Variants in ABTB2 observed in about 807,000 individuals in gnomAD.
ABTB2 encodes ankyrin repeat and BTB domain containing 2.
In ABTB2, 56 loss-of-function variants were observed where a neutral mutation model predicts 104.1. That is an observed-to-expected ratio of 0.54 (90% CI 0.43 to 0.67). The LOEUF is 0.67. ABTB2 is among the 30% of genes least tolerant of loss of function. The pLI is 0.00. For synonymous variants in ABTB2, 606 were observed against 608.2 expected (o/e 1.00, Z 0.05); for missense variants, 1,279 against 1,407.7 (o/e 0.91, Z 1.46).
intron 3 of ABTB2, 54 bp downstream of exon 3, chr11:34,197,271 A>C: frequency 4.4e-6 from 7 of 1,579,366 alleles, no homozygotes; most frequent in Non-Finnish European, 5.2e-6. Flanking sequence ...CAGTCGGTCA[A>C]TGCACGTTTG....
chr11:34,323,746 C>A (rs768104303), intron 1 of ABTB2, among the ~76,000 whole-genome samples: 1 of 152,154 alleles, frequency 6.6e-6, no homozygotes, highest in Non-Finnish European at 1.5e-5. Context: ...GTATAGCTTG[C>A]ACAATCTTTC....
At chr11:34,268,457 A>C (rs1052821383) in intron 1 of ABTB2, among the ~76,000 whole-genome samples, 10 of 152,210 alleles carry the variant, frequency 6.6e-5, no homozygotes, top group Admixed American at 6.5e-4. Flanking sequence ...GTGGAATCAG[A>C]GGGCCTGGGT....
At chr11:34,270,338 TC>T (rs2133079996) in intron 1 of ABTB2, among the ~76,000 whole-genome samples, 1 of 149,332 alleles carries the variant, frequency 6.7e-6, no homozygotes, top group East Asian at 1.9e-4. Flanking sequence ...TAGACGGTTT[TC>T]CTTTTTTTTT....
chr11:34,156,074 C>T (rs1852621675), intron 14 of ABTB2, among the ~76,000 whole-genome samples: 2 of 152,052 alleles, frequency 1.3e-5, no homozygotes, highest in Admixed American at 1.3e-4. Flanking sequence ...GCCCCTAGGG[C>T]CAGGCCTACC....
chr11:34,254,240 A>G (rs1006181407), intron 1 of ABTB2, among the ~76,000 whole-genome samples: 1 of 152,010 alleles, frequency 6.6e-6, no homozygotes, highest in African/African-American at 2.4e-5. Flanking sequence ...ACCGAGAAAT[A>G]AAGGGAAGCT....
At position 34,160,242 on chromosome 11, in the gene ABTB2, C is replaced by T; in HGVS notation, c.2503+6G>A. 1.2e-6 allele frequency: 2 copies of T among 1,611,152 alleles called. No individual in the cohort carries two copies. The highest frequency in any genetic ancestry group is 1.1e-5 in the South Asian group (1 of 91,008). On this transcript the variant is annotated splice_donor_region_variant and intron_variant, in intron 12 of 16. Transcript: ENST00000435224. ...GTGATGCAGGGCGCAGGGGGCGCGC[C>T]TTCACCTAGCCTGGCCGGCAGGGTC...
Position 34,357,750 on chromosome 11 carries a change from G to A in ABTB2, c.-167C>T, listed in dbSNP as rs988168763. The stretch of plus-strand genomic sequence containing the variant: ...GCCTGCCCGGAGGCCGCGGGAAGGT[G>A]GCCGAGATCCGTGGCCAGCAGGAGC... On this transcript the variant is annotated 5_prime_UTR_variant, in exon 1 of 17. Transcript: ENST00000435224. 3.5e-5 allele frequency: 26 copies of A among 751,514 alleles called. No individual in the cohort carries two copies. The highest frequency in any genetic ancestry group is 2.7e-4 in the South Asian group (11 of 41,092). The allele number at this position is 751,514 out of a possible 1,614,324, so 46.6% of individuals were successfully genotyped here.
intron 1 of ABTB2, among the ~76,000 whole-genome samples, chr11:34,229,239 T>C (rs1020808113): frequency 6.6e-6 from 1 of 151,892 alleles, no homozygotes; most frequent in Non-Finnish European, 1.5e-5. Flanking sequence ...TCGCAGCACT[T>C]TGGGAGGCCG....
rs1365452005 is a variant in ABTB2 at position 34,197,624 on chromosome 11, G to GT, written c.1031-87dup. ...TCACAGCCTGCATTCTTCCAAGGAT[G>GT]TTCCTGGCTGAAGCTCCCTTGCCTT... On this transcript the variant is annotated intron_variant, in intron 2 of 16. Coordinates refer to ENST00000435224, the MANE Select transcript of ABTB2 (RefSeq NM_145804.3). 4 of 998,828 alleles carry GT rather than the reference G, an allele frequency of 4.0e-6. No homozygotes were observed. The African/African-American group carries it at 6.5e-5, about 16-fold the overall frequency. 61.9% of individuals were successfully genotyped at this position (998,828 alleles called of 1,614,324 possible).
At chr11:34,346,782 C>T (rs1314379155) in intron 1 of ABTB2, among the ~76,000 whole-genome samples, 1 of 152,202 alleles carries the variant, frequency 6.6e-6, no homozygotes, top group South Asian at 2.1e-4. Context: ...GCAAGCTCCA[C>T]CCCAGAATTT....
intron 1 of ABTB2, among the ~76,000 whole-genome samples, chr11:34,245,642 T>A (rs1272060371): frequency 6.6e-6 from 1 of 152,206 alleles, no homozygotes; most frequent in Non-Finnish European, 1.5e-5. Context: ...CAGGAGCTGG[T>A]GTCTGGGTGG....
chr11:34,248,088 A>ATTTTTTTTTTTTTTTTTTTTTTTTTTTT (rs377220875), intron 1 of ABTB2, among the ~76,000 whole-genome samples: 1 of 78,374 alleles, frequency 1.3e-5, no homozygotes, highest in East Asian at 2.9e-4. Flanking sequence ...CTTATCTATA[A>ATTTTTTTTTTTTTTTTTTTTTTTTTTTT]TTTTTCTTAA....
intron 1 of ABTB2, among the ~76,000 whole-genome samples, chr11:34,312,328 A>T (rs79195443): frequency 1.3e-5 from 2 of 152,118 alleles, no homozygotes; most frequent in African/African-American, 4.8e-5. Flanking sequence ...GGTCTCTACG[A>T]GGCAAGTGAT....
intron 1 of ABTB2, among the ~76,000 whole-genome samples, chr11:34,281,238 T>G (rs1854445806): frequency 6.6e-6 from 1 of 152,204 alleles, no homozygotes; most frequent in Non-Finnish European, 1.5e-5. Context: ...CTCTAAGACC[T>G]TCCCACTCAG....
intron 3 of ABTB2, among the ~76,000 whole-genome samples, chr11:34,186,446 C>G (rs1853100478): frequency 6.6e-6 from 1 of 152,212 alleles, no homozygotes; most frequent in Non-Finnish European, 1.5e-5. Context: ...AGCTTCGCCT[C>G]GGAAGCAGGC....
rs145030835 is a variant in ABTB2, at chr11:34,290,936, CTTCT to C, written c.883+65761_883+65764del. Among the ~76,000 whole-genome samples the C allele has an allele frequency of 9.6e-3, 1,466 of 152,266 alleles. 26 individuals carry two copies. Among genetic ancestry groups the C allele is most frequent in the African/African-American group, 0.033 (1,357 of 41,558 alleles). ...TTTTTCCCAATAAAGTGTTCACATT[CTTCT>C]TTCTGAGACACAAGAGACTAACATT... is the stretch of plus-strand genomic sequence containing the variant. On this transcript the variant is annotated intron_variant, in intron 1 of 16. Coordinates refer to ENST00000435224, the MANE Select transcript of ABTB2 (RefSeq NM_145804.3).
intron 1 of ABTB2, among the ~76,000 whole-genome samples, chr11:34,297,974 A>G (rs1211664995): frequency 3.3e-5 from 5 of 151,900 alleles, no homozygotes; most frequent in Non-Finnish European, 5.9e-5. Flanking sequence ...TCTACCATAT[A>G]CAAACACTGT....
chr11:34,341,065 T>C (rs1855256388), intron 1 of ABTB2, among the ~76,000 whole-genome samples: 1 of 152,240 alleles, frequency 6.6e-6, no homozygotes, highest in Non-Finnish European at 1.5e-5. Context: ...CGGGATACTG[T>C]GTGGCTCAAA....
At chr11:34,227,588 AAT>A (rs1853704513) in intron 1 of ABTB2, among the ~76,000 whole-genome samples, 1 of 152,240 alleles carries the variant, frequency 6.6e-6, no homozygotes, top group Non-Finnish European at 1.5e-5. Flanking sequence ...ATTATTGATG[AAT>A]ATTTGGATTG....
Sources: gnomAD v4.1 joint callset for allele counts (sites outside exome capture counted in the v4.1 genomes callset) on GRCh38, gnomAD v4.1.1 for gene constraint, MANE v1.5 for transcripts, NCBI Gene and HGNC (gene_info 2026-07-23, HGNC 2026-07-21) for gene names.